LARS2: variants seen among roughly 807,000 people sequenced by gnomAD.
LARS2 encodes the protein leucine--tRNA ligase, mitochondrial.
LARS2 carries 81 observed loss-of-function variants against 116.6 expected under a neutral mutation model. That is an observed-to-expected ratio of 0.69 (90% CI 0.58 to 0.84). LARS2 has a LOEUF of 0.84. Ranked by LOEUF, LARS2 falls within the 40% of genes least tolerant of loss-of-function variation. LARS2 has a pLI of 0.00. For synonymous variants in LARS2, 396 were observed against 407.2 expected, an observed-to-expected ratio of 0.97 and a Z score of 0.33; for missense variants, 968 against 1,114.5, an observed-to-expected ratio of 0.87 and a Z score of 1.87.
intron 21 of LARS2, among the ~76,000 whole-genome samples, chr3:45,543,454 T>A (rs1700825993): frequency 2.0e-5 from 3 of 149,290 alleles, no homozygotes; most frequent in Non-Finnish European, 4.5e-5. Flanking sequence ...CCCAGAATTT[T>A]TTTTTTTTAT....
chr3:45,443,738 G>A (rs1698956496), intron 6 of LARS2, among the ~76,000 whole-genome samples: 1 of 152,116 alleles, frequency 6.6e-6, no homozygotes, highest in African/African-American at 2.4e-5. Context: ...ATAATGGTCC[G>A]GAAGCAGTGG....
chr3:45,475,495 G>C (rs1015946411), intron 9 of LARS2, among the ~76,000 whole-genome samples: 7 of 152,210 alleles, frequency 4.6e-5, no homozygotes, highest in Admixed American at 3.9e-4. Flanking sequence ...CTCTTTCAGG[G>C]CCTTTGCATT....
chr3:45,503,758 G>C (rs1292972520), intron 15 of LARS2, among the ~76,000 whole-genome samples: 1 of 151,842 alleles, frequency 6.6e-6, no homozygotes, highest in Admixed American at 6.6e-5. Context: ...GAGAAGGAAA[G>C]GGGGGAAATA....
intron 3 of LARS2, among the ~76,000 whole-genome samples, chr3:45,398,151 C>T (rs960450239): frequency 6.6e-6 from 1 of 152,200 alleles, no homozygotes; most frequent in African/African-American, 2.4e-5. Flanking sequence ...GCTTAACACT[C>T]CTTGGTAATT....
chr3:45,397,065 A>T lies in LARS2; in HGVS notation c.234+2378A>T, dbSNP rs548220325. Among the ~76,000 whole-genome samples the T allele has an allele frequency of 7.7e-4, 118 of 152,332 alleles. 1 individual carries two copies. Among genetic ancestry groups the T allele is most frequent in the African/African-American group, 2.7e-3 (111 of 41,558 alleles). On this transcript the variant is annotated intron_variant, in intron 3 of 21. Coordinates refer to ENST00000645846, the MANE Select transcript of LARS2 (RefSeq NM_015340.4). Reference sequence around the variant, plus strand: ...AGAGCGTGATCTATAAAGAGGCAGAAGTCATCTTTCTTCTAAAGTCAGAAG... The same window carrying T: ...AGAGCGTGATCTATAAAGAGGCAGATGTCATCTTTCTTCTAAAGTCAGAAG...
At chr3:45,448,050 C>A (rs1191640955) in intron 7 of LARS2, among the ~76,000 whole-genome samples, 3 of 152,106 alleles carry the variant, frequency 2.0e-5, no homozygotes, top group Non-Finnish European at 2.9e-5. Flanking sequence ...GAGTTCAAGA[C>A]TAGCCTGGGA....
chr3:45,452,999 G>A (rs1303801449), intron 7 of LARS2, among the ~76,000 whole-genome samples: 1 of 151,906 alleles, frequency 6.6e-6, no homozygotes, highest in African/African-American at 2.4e-5. Flanking sequence ...GTATTTCTGT[G>A]GTAAAAGTTT....
intron 6 of LARS2, among the ~76,000 whole-genome samples, chr3:45,439,244 C>T (rs375732532): frequency 5.2e-4 from 47 of 89,822 alleles, no homozygotes; most frequent in African/African-American, 2.0e-3. Context: ...TTTTTTGAGA[C>T]AGTGTCTCAC....
intron 4 of LARS2, among the ~76,000 whole-genome samples, chr3:45,411,293 A>G (rs900020518): frequency 6.6e-6 from 1 of 152,220 alleles, no homozygotes; most frequent in African/African-American, 2.4e-5. Flanking sequence ...AAACACCACT[A>G]TAGGAAAATT....
At chr3:45,542,274 A>G (rs1438248132) in intron 21 of LARS2, among the ~76,000 whole-genome samples, 1 of 152,136 alleles carries the variant, frequency 6.6e-6, no homozygotes, top group Non-Finnish European at 1.5e-5. Context: ...ACCGTGTTTC[A>G]GTCACTCTCA....
At chr3:45,522,847 T>G (rs1309351606) in intron 19 of LARS2, among the ~76,000 whole-genome samples, 1 of 152,122 alleles carries the variant, frequency 6.6e-6, no homozygotes, top group Non-Finnish European at 1.5e-5. Context: ...AGCCCAGGAT[T>G]TCGAGACCAG....
At chr3:45,449,343 A>T (rs954113136) in intron 7 of LARS2, among the ~76,000 whole-genome samples, 5 of 151,886 alleles carry the variant, frequency 3.3e-5, no homozygotes, top group Non-Finnish European at 7.4e-5. Flanking sequence ...TTGTATTTTT[A>T]GTAGAGACAA....
At chr3:45,467,139 T>G (rs1386480467) in intron 8 of LARS2, among the ~76,000 whole-genome samples, 1 of 152,192 alleles carries the variant, frequency 6.6e-6, no homozygotes, top group African/African-American at 2.4e-5. Flanking sequence ...TTGTCCTCTC[T>G]GTCTTGCTTT....
chr3:45,425,819 C>T (rs1698584791), intron 6 of LARS2, among the ~76,000 whole-genome samples: 2 of 152,118 alleles, frequency 1.3e-5, no homozygotes, highest in Non-Finnish European at 2.9e-5. Context: ...TCCATCATCA[C>T]ACCTAAAACG....
chr3:45,527,350 C>A (rs748335234), intron 20 of LARS2, among the ~76,000 whole-genome samples: 1 of 152,084 alleles, frequency 6.6e-6, no homozygotes, highest in Non-Finnish European at 1.5e-5. Flanking sequence ...TCTTGCCGGG[C>A]GCGGTGGCTC....
chr3:45,518,552 C>T (rs1052892685), intron 18 of LARS2, among the ~76,000 whole-genome samples: 1 of 152,168 alleles, frequency 6.6e-6, no homozygotes, highest in African/African-American at 2.4e-5. Flanking sequence ...TCTTGCCTAA[C>T]GTCACACGGC....
chr3:45,465,654 A>G (rs1347459808), intron 8 of LARS2, among the ~76,000 whole-genome samples: 1 of 152,196 alleles, frequency 6.6e-6, no homozygotes, highest in Non-Finnish European at 1.5e-5. Context: ...CCTCCAGGAA[A>G]GGTCCTCCAG....
chr3:45,469,109 T>C (rs1198209914), intron 8 of LARS2, among the ~76,000 whole-genome samples: 3 of 152,234 alleles, frequency 2.0e-5, no homozygotes, highest in Non-Finnish European at 4.4e-5. Flanking sequence ...AATGGATTAT[T>C]TCCCTGCTGG....
At position 45,541,502 on chromosome 3, in the gene LARS2, G is replaced by A. The variant is rs562386102; in HGVS notation, c.2405-327G>A. ...TACTTTGGAATCAGCTCTCAGGGTAGCACAAAGGCATTCCTTCACCAGCAG... is the reference window on the plus strand; with the variant it reads ...TACTTTGGAATCAGCTCTCAGGGTAACACAAAGGCATTCCTTCACCAGCAG... On this transcript the variant is annotated intron_variant, in intron 20 of 21. Transcript: ENST00000645846. The A allele has an allele frequency of 2.6e-3, 774 of 303,290 alleles. 4 individuals are homozygous for A. Among genetic ancestry groups the A allele is most frequent in the Non-Finnish European group, 4.3e-3 (694 of 162,834 alleles). 18.8% of individuals were successfully genotyped at this position (303,290 alleles called of 1,614,324 possible).
Sources: gnomAD v4.1 joint callset for allele counts (sites outside exome capture counted in the v4.1 genomes callset) on GRCh38, gnomAD v4.1.1 for gene constraint, MANE v1.5 for transcripts, NCBI Gene and HGNC (gene_info 2026-07-23, HGNC 2026-07-21) for gene names.